TOR3A: variants seen among roughly 807,000 people sequenced by gnomAD.
TOR3A encodes the protein torsin family 3 member A, also known as torsin-3A.
TOR3A carries 44 observed loss-of-function variants against 42.1 expected under a neutral mutation model. That is an observed-to-expected ratio of 1.04 (90% CI 0.82 to 1.34). The LOEUF is 1.34. Among genes scored for constraint, TOR3A ranks in the 40% most tolerant of loss-of-function variants. The pLI, the probability that TOR3A is intolerant of heterozygous loss-of-function variation, is 0.00. For missense variants in TOR3A, 521 were observed against 507.6 expected (o/e 1.03, Z -0.25); for synonymous variants, 227 against 213.2 (o/e 1.06, Z -0.57).
chr1:179,094,829 G>C, intron 5 of TOR3A, 139 bp from the exon 6 acceptor site: 2 of 806,408 alleles, frequency 2.5e-6, no homozygotes, highest in Non-Finnish European at 4.1e-6. Flanking sequence ...AAGGAGCCCA[G>C]ATCTCACCAC....
chr1:179,092,561 C>CA (rs968338894), intron 4 of TOR3A, among the ~76,000 whole-genome samples: 3 of 151,932 alleles, frequency 2.0e-5, no homozygotes, highest in Non-Finnish European at 4.4e-5. Context: ...CTCGTCTCTA[C>CA]AAAAAAATTT....
intron 4 of TOR3A, among the ~76,000 whole-genome samples, chr1:179,088,944 G>A (rs543968779): frequency 1.7e-4 from 26 of 152,254 alleles, no homozygotes; most frequent in South Asian, 1.0e-3. Context: ...CTCCGGCCTC[G>A]CCTTCCCCAG....
rs1652307832 is a variant in TOR3A at position 179,082,293 on chromosome 1, G to A, written c.165G>A (p.Ala55=). ...GCCTGCAGGAGCAGCTCAGGGCGGC[G>A]GGTGCCCTCTCCAAGCGGTACTGGA... The part of the protein sequence containing the change: ...FQRLQEQLRA[A]GALSKRYWTL... Residue 55 remains alanine, a synonymous_variant, in exon 1 of 6, where the codon GCG becomes GCA. Coordinates refer to ENST00000367627, the MANE Select transcript of TOR3A (RefSeq NM_022371.4). 6.3e-7 allele frequency: 1 copy of A among 1,585,442 alleles called. No homozygotes were observed. Among genetic ancestry groups the A allele is most frequent in the Non-Finnish European group, 8.5e-7 (1 of 1,170,474 alleles).
intron 4 of TOR3A, among the ~76,000 whole-genome samples, chr1:179,092,596 T>C (rs1652620493): frequency 6.9e-6 from 1 of 145,430 alleles, no homozygotes; most frequent in South Asian, 2.1e-4. Context: ...GGCACACCTG[T>C]CATCCTAGCA....
In TOR3A at chr1:179,095,743, C is replaced by CT. The variant is rs1481626949; in HGVS notation, c.*526dup. 2 of 989,448 alleles carry CT rather than the reference C, an allele frequency of 2.0e-6. No individual in the cohort carries two copies. Among genetic ancestry groups the CT allele is most frequent in the African/African-American group, 3.5e-5 (2 of 57,242 alleles). The allele number at this position is 989,448 out of a possible 1,614,324, so 61.3% of individuals were successfully genotyped here. On this transcript the variant is annotated 3_prime_UTR_variant, in exon 6 of 6. Transcript: ENST00000367627. Reference sequence around the variant, plus strand: ...GGAGAATACACTCTAGGTTTGCAGGCTGGTGGGCTTTCAAATTGGTACTTC... The same window carrying CT: ...GGAGAATACACTCTAGGTTTGCAGGCTTGGTGGGCTTTCAAATTGGTACTTC...
At position 179,085,896 on chromosome 1, in the gene TOR3A, G is replaced by A; in HGVS notation, c.639+3G>A. 1 of 1,612,752 alleles carries A rather than the reference G, an allele frequency of 6.2e-7. No homozygotes were observed. ...CCAAATATGTGGACCTGTACAAGGT[G>A]AGGCCGACCAGGGCTGGGGTGAGGC... On this transcript the variant is annotated splice_donor_region_variant and intron_variant, in intron 3 of 5. Coordinates refer to ENST00000367627, the MANE Select transcript of TOR3A (RefSeq NM_022371.4).
intron 4 of TOR3A, among the ~76,000 whole-genome samples, chr1:179,091,423 C>G (rs1652578387): frequency 6.6e-6 from 1 of 152,088 alleles, no homozygotes; most frequent in Admixed American, 6.5e-5. Context: ...TAGAGAGGGG[C>G]CCCAGGTTAT....
chr1:179,094,001 TC>T lies in TOR3A; in HGVS notation c.819-90del, dbSNP rs1652665779. On this transcript the variant is annotated intron_variant, in intron 4 of 5. Coordinates refer to ENST00000367627, the MANE Select transcript of TOR3A (RefSeq NM_022371.4). ...GTCCACGCCCCTCAGCCTCTATTCT[TC>T]CAGGCACTAATGCATTGGTTTCAGC... is the stretch of plus-strand genomic sequence containing the variant. The T allele has an allele frequency of 2.7e-6, 4 of 1,492,830 alleles. No individual in the cohort carries two copies. In the South Asian group the frequency reaches 5.2e-5, roughly 19 times the overall value. 92.5% of individuals were successfully genotyped at this position (1,492,830 alleles called of 1,614,324 possible).
At chr1:179,089,914 A>G (rs578050557) in intron 4 of TOR3A, among the ~76,000 whole-genome samples, 1 of 151,484 alleles carries the variant, frequency 6.6e-6, no homozygotes, top group Admixed American at 6.6e-5. Flanking sequence ...TCTCCCACCC[A>G]CTTCTCAGCT....
chr1:179,090,716 G>C (rs532045551), intron 4 of TOR3A, among the ~76,000 whole-genome samples: 1 of 152,276 alleles, frequency 6.6e-6, no homozygotes, highest in East Asian at 1.9e-4. Flanking sequence ...CGGTGACTGG[G>C]CACCAGGAAA....
At chr1:179,091,829 T>G (rs1465750257) in intron 4 of TOR3A, 2 of 152,392 alleles carry the variant, frequency 1.3e-5, no homozygotes, top group Non-Finnish European at 1.5e-5. Context: ...GGCAATGCCC[T>G]GGCAGCAGGG....
Position 179,082,917 on chromosome 1 carries a change from T to A in TOR3A, c.260-23T>A. 2.0e-6 allele frequency: 3 copies of A among 1,504,812 alleles called. No individual in the cohort carries two copies. The South Asian group carries it at 3.7e-5, about 19-fold the overall frequency. The allele number at this position is 1,504,812 out of a possible 1,614,324, so 93.2% of individuals were successfully genotyped here. On this transcript the variant is annotated intron_variant, in intron 1 of 5. Coordinates refer to ENST00000367627, the MANE Select transcript of TOR3A (RefSeq NM_022371.4). The stretch of plus-strand genomic sequence containing the variant: ...AGAGCACCGGATGGTCTCCTCTCGG[T>A]CTCACAGCTCCTCCTTTTCCAGGCT...
chr1:179,091,702 C>T (rs1330192303), intron 4 of TOR3A: 2 of 152,354 alleles, frequency 1.3e-5, no homozygotes, highest in African/African-American at 4.8e-5. Flanking sequence ...AGTCCATGCC[C>T]CTAGGATGGG....
intron 3 of TOR3A, among the ~76,000 whole-genome samples, chr1:179,086,651 G>A (rs1358221312): frequency 7.3e-6 from 1 of 136,566 alleles, no homozygotes; most frequent in African/African-American, 2.9e-5. Flanking sequence ...GGGCAACAGA[G>A]CAAGACTCCA....
In TOR3A at chr1:179,082,197, C is replaced by G. The variant is rs1007878056; in HGVS notation, c.69C>G (p.Pro23=). 1.3e-6 allele frequency: 2 copies of G among 1,504,826 alleles called. No homozygotes were observed. The highest frequency in any genetic ancestry group is 1.4e-5 in the African/African-American group (1 of 69,022). The allele number at this position is 1,504,826 out of a possible 1,614,324, so 93.2% of individuals were successfully genotyped here. A position where few individuals can be genotyped will look rare whatever the true frequency, so the allele number is the denominator to read the frequency against. Residue 23 remains proline (P), a synonymous_variant, in exon 1 of 6, where the codon CCC becomes CCG. Transcript: ENST00000367627. ...TGCTGCTCCCGGGCGCGCCTGAGCC[C>G]CGCGGCGCCTCCAGGCCGTGGGAGG... is the stretch of plus-strand genomic sequence containing the variant. ...FLLLLPGAPE[P]RGASRPWEGT...
Position 179,094,198 on chromosome 1 carries a change from GGA to G in TOR3A, c.927_928del (p.Glu309AspfsTer21). ...MEHLEPHLQA[E>X]IVETIDNGFG... is the part of the protein sequence containing the mutation. ...AACACCTGGAGCCCCACCTCCAGGC[GGA>G]GATTGTGGAGACCATAGGTGAGTAA... On this transcript the variant is annotated frameshift_variant, in exon 5 of 6. Transcript: ENST00000367627. LOFTEE classifies it high-confidence loss of function. 6.2e-7 allele frequency: 1 copy of G among 1,613,854 alleles called. No individual in the cohort carries two copies. Among genetic ancestry groups the G allele is most frequent in the Non-Finnish European group, 8.5e-7 (1 of 1,179,870 alleles).
chr1:179,086,814 C>A (rs72709448), intron 3 of TOR3A, among the ~76,000 whole-genome samples: 18,988 of 152,214 alleles, frequency 0.12, 1,274 homozygotes, highest in East Asian at 0.25. Flanking sequence ...ACTAATTCAG[C>A]CATGTAGTAT....
rs535190598 is a variant in TOR3A, at chr1:179,093,626, C to T, written c.819-467C>T. On this transcript the variant is annotated intron_variant, in intron 4 of 5. Coordinates refer to ENST00000367627, the MANE Select transcript of TOR3A (RefSeq NM_022371.4). ...GCCTTTCATGCCTGTGCTCCTCTGGCGCACCCAGGCCTAGACACTTCCCTT... is the reference window on the plus strand; with the variant it reads ...GCCTTTCATGCCTGTGCTCCTCTGGTGCACCCAGGCCTAGACACTTCCCTT... 7.2e-5 allele frequency among the ~76,000 whole-genome samples: 11 copies of T among 152,318 alleles called. No individual in the cohort carries two copies. The South Asian group carries it at 1.5e-3, about 20-fold the overall frequency.
intron 5 of TOR3A, 36 bp from the exon 6 acceptor site, chr1:179,094,932 A>T: frequency 6.2e-7 from 1 of 1,607,042 alleles, no homozygotes; most frequent in East Asian, 2.2e-5. Flanking sequence ...GTTCAGTCCT[A>T]GGTCAGACTC....
Sources: gnomAD v4.1 joint callset for allele counts (sites outside exome capture counted in the v4.1 genomes callset) on GRCh38, gnomAD v4.1.1 for gene constraint, MANE v1.5 for transcripts, NCBI Gene and HGNC (gene_info 2026-07-23, HGNC 2026-07-21) for gene names.